Variants in DOK6 observed in about 807,000 individuals in gnomAD.
The protein encoded by DOK6 is docking protein 6, also known as downstream of tyrosine kinase 6.
Under a neutral mutation model 44.0 loss-of-function variants are expected in DOK6, and 22 were observed. That is an observed-to-expected ratio of 0.50 (90% CI 0.36 to 0.71). The LOEUF (loss-of-function observed/expected upper bound fraction) is 0.71, where lower values mean the gene tolerates loss of function less well. DOK6 is among the 30% of genes least tolerant of loss of function. DOK6 has a pLI of 0.00. For missense variants in DOK6, 340 were observed against 416.4 expected (o/e 0.82, Z 1.60); for synonymous variants, 166 against 145.5 (o/e 1.14, Z -1.01).
intron 4 of DOK6, among the ~76,000 whole-genome samples, chr18:69,685,712 A>G (rs10871649): frequency 0.44 from 66,315 of 152,076 alleles, 15,064 homozygotes; most frequent in East Asian, 0.74. Flanking sequence ...ATTGGCTTAA[A>G]AAAAATCTAC....
chr18:69,465,670 T>C (rs1599143803), intron 1 of DOK6, among the ~76,000 whole-genome samples: 1 of 152,136 alleles, frequency 6.6e-6, no homozygotes, highest in Non-Finnish European at 1.5e-5. Context: ...TATTCCATGG[T>C]GTATATGTGC....
intron 1 of DOK6, among the ~76,000 whole-genome samples, chr18:69,504,859 A>G (rs143548086): frequency 6.6e-6 from 1 of 152,284 alleles, no homozygotes; most frequent in African/African-American, 2.4e-5. Flanking sequence ...CCAATATCTC[A>G]GTTTTGTTAC....
intron 1 of DOK6, among the ~76,000 whole-genome samples, chr18:69,417,641 T>A (rs1394931678): frequency 6.6e-6 from 1 of 152,136 alleles, no homozygotes; most frequent in Non-Finnish European, 1.5e-5. Context: ...ACCTCCATAC[T>A]GTATTTTAGA....
intron 1 of DOK6, among the ~76,000 whole-genome samples, chr18:69,553,893 T>C (rs1982625864): frequency 1.3e-5 from 2 of 152,192 alleles, no homozygotes; most frequent in Admixed American, 6.5e-5. Flanking sequence ...CCTTTACAAA[T>C]TTCAGTCTCA....
intron 1 of DOK6, among the ~76,000 whole-genome samples, chr18:69,476,356 G>T (rs558429601): frequency 6.6e-6 from 1 of 152,054 alleles, no homozygotes; most frequent in Non-Finnish European, 1.5e-5. Flanking sequence ...GTATTCCTAC[G>T]CTCTTTGTCT....
intron 6 of DOK6, among the ~76,000 whole-genome samples, chr18:69,750,086 T>C (rs1979126744): frequency 6.7e-6 from 1 of 148,366 alleles, no homozygotes; most frequent in Non-Finnish European, 1.5e-5. Flanking sequence ...TATAAAAACA[T>C]GTATGTGTTA....
chr18:69,581,873 G>C (rs1358455989), intron 2 of DOK6, among the ~76,000 whole-genome samples: 2 of 152,140 alleles, frequency 1.3e-5, no homozygotes, highest in Non-Finnish European at 2.9e-5. Context: ...AAATCATGAT[G>C]GCTGGACATG....
intron 2 of DOK6, among the ~76,000 whole-genome samples, chr18:69,597,728 GT>G (rs1442042358): frequency 7.0e-6 from 1 of 142,854 alleles, no homozygotes; most frequent in Non-Finnish European, 1.6e-5. Context: ...AGCTGGAAGC[GT>G]GCACATCTGG....
rs150635411 is a variant in DOK6 at position 69,618,306 on chromosome 18, G to T, written c.289+18808G>T. On this transcript the variant is annotated intron_variant, in intron 3 of 7. Transcript: ENST00000382713. ...TCCGAATCAATTGTTCCTTGTGGAG[G>T]ACTAAATGGCTTCCAACAGGTAGGT... Among the ~76,000 whole-genome samples, 7 of 152,292 alleles carry T rather than the reference G, an allele frequency of 4.6e-5. No individual in the cohort carries two copies. In the East Asian group the frequency reaches 1.4e-3, roughly 29 times the overall value.
chr18:69,480,864 T>A (rs1389770878), intron 1 of DOK6, among the ~76,000 whole-genome samples: 1 of 152,110 alleles, frequency 6.6e-6, no homozygotes, highest in Non-Finnish European at 1.5e-5. Flanking sequence ...TGGGTGGATG[T>A]CCCAAGTCAG....
intron 3 of DOK6, among the ~76,000 whole-genome samples, chr18:69,652,081 A>C (rs895063902): frequency 2.3e-4 from 35 of 152,150 alleles, no homozygotes; most frequent in Non-Finnish European, 5.0e-4. Flanking sequence ...AATGGCTCCC[A>C]TAGGCATTTA....
chr18:69,808,434 A>G (rs952977313), intron 7 of DOK6, among the ~76,000 whole-genome samples: 1 of 42,530 alleles, frequency 2.4e-5, no homozygotes, highest in African/African-American at 3.5e-5. Context: ...AATAAAGATC[A>G]GACTCAAAGT....
chr18:69,401,104 G>A lies in DOK6; in HGVS notation c.-141G>A, dbSNP rs1247739177. The A allele has an allele frequency of 5.6e-5, 43 of 769,712 alleles. No homozygotes were observed. The highest frequency in any genetic ancestry group is 7.0e-5 in the Non-Finnish European group (40 of 569,972). 47.7% of individuals were successfully genotyped at this position (769,712 alleles called of 1,614,324 possible). The stretch of plus-strand genomic sequence containing the variant: ...AGGCGACCCCGCGTCCCCACCGGCG[G>A]GAGCTCGGGGAAGAGCGGGCGGCGG... On this transcript the variant is annotated 5_prime_UTR_variant, in exon 1 of 8. Transcript: ENST00000382713.
At chr18:69,606,957 G>A (rs1305623027) in intron 3 of DOK6, among the ~76,000 whole-genome samples, 1 of 152,036 alleles carries the variant, frequency 6.6e-6, no homozygotes, top group Non-Finnish European at 1.5e-5. Context: ...ATACTTATGA[G>A]TAAATTTAAC....
intron 1 of DOK6, among the ~76,000 whole-genome samples, chr18:69,441,896 GA>G (rs1209310141): frequency 1.3e-5 from 2 of 152,074 alleles, no homozygotes; most frequent in African/African-American, 4.8e-5. Flanking sequence ...TTTGGATATT[GA>G]GAGAAAAGAA....
intron 3 of DOK6, among the ~76,000 whole-genome samples, chr18:69,627,520 C>T (rs940727053): frequency 8.5e-5 from 13 of 152,146 alleles, no homozygotes; most frequent in African/African-American, 3.1e-4. Flanking sequence ...GCCATCTCGG[C>T]TCACTGCAAC....
chr18:69,744,631 A>G (rs999894834), intron 6 of DOK6, among the ~76,000 whole-genome samples: 9 of 152,146 alleles, frequency 5.9e-5, no homozygotes, highest in Non-Finnish European at 1.3e-4. Context: ...CAACAACAAC[A>G]AAACCTCACT....
chr18:69,489,945 C>T (rs1163528177), intron 1 of DOK6, among the ~76,000 whole-genome samples: 1 of 151,472 alleles, frequency 6.6e-6, no homozygotes, highest in East Asian at 1.9e-4. Context: ...AAAAAAAACC[C>T]TATCTTTACA....
At chr18:69,548,347 T>C (rs1383415639) in intron 1 of DOK6, among the ~76,000 whole-genome samples, 1 of 151,626 alleles carries the variant, frequency 6.6e-6, no homozygotes, top group Non-Finnish European at 1.5e-5. Flanking sequence ...CTTTTTATAG[T>C]TGACTTGTCT....
Sources: gnomAD v4.1 joint callset for allele counts (sites outside exome capture counted in the v4.1 genomes callset) on GRCh38, gnomAD v4.1.1 for gene constraint, MANE v1.5 for transcripts, NCBI Gene and HGNC (gene_info 2026-07-23, HGNC 2026-07-21) for gene names.